The following PRKN variants were observed in gnomAD, a reference collection of about 807,000 sequenced individuals.
The protein encoded by PRKN is parkin RBR E3 ubiquitin protein ligase, also known as E3 ubiquitin-protein ligase parkin.
A neutral mutation model predicts 59.5 loss-of-function variants in PRKN; 56 were observed. The observed-to-expected ratio is 0.94, with a 90% CI of 0.76 to 1.18. The LOEUF (loss-of-function observed/expected upper bound fraction) is 1.18. Ranked by LOEUF, PRKN falls within the 50% of genes most tolerant of loss-of-function variation. PRKN has a pLI of 0.00. For synonymous variants in PRKN, 250 were observed against 222.1 expected (o/e 1.13, Z -1.12); for missense variants, 657 against 596.4 (o/e 1.10, Z -1.06).
chr6:161,849,151 T>A (rs1793320696), intron 6 of PRKN, among the ~76,000 whole-genome samples: 1 of 152,158 alleles, frequency 6.6e-6, no homozygotes. Context: ...CTCTACCTCC[T>A]CTTCCTTCTT....
intron 4 of PRKN, among the ~76,000 whole-genome samples, chr6:162,099,274 A>G (rs1175802137): frequency 1.3e-5 from 2 of 152,224 alleles, no homozygotes; most frequent in African/African-American, 4.8e-5. Context: ...AGGGCATTTC[A>G]GATTATTCTA....
At chr6:162,712,000 C>A (rs1469583032) in intron 1 of PRKN, among the ~76,000 whole-genome samples, 11 of 152,160 alleles carry the variant, frequency 7.2e-5, no homozygotes, top group African/African-American at 2.7e-4. Context: ...GTCAATACTG[C>A]AGGTTGGCTT....
intron 6 of PRKN, among the ~76,000 whole-genome samples, chr6:161,862,607 G>C (rs1793948260): frequency 6.6e-6 from 1 of 151,796 alleles, no homozygotes; most frequent in African/African-American, 2.4e-5. Context: ...GAGTAACGGG[G>C]TAAAAAAAAA....
intron 1 of PRKN, among the ~76,000 whole-genome samples, chr6:162,565,440 T>C (rs768835719): frequency 1.2e-4 from 19 of 152,078 alleles, no homozygotes; most frequent in Non-Finnish European, 2.1e-4. Flanking sequence ...TCCCGGCACT[T>C]TGGAAGGCTG....
intron 1 of PRKN, among the ~76,000 whole-genome samples, chr6:162,636,356 A>G (rs1240639552): frequency 6.6e-6 from 1 of 152,208 alleles, no homozygotes; most frequent in Non-Finnish European, 1.5e-5. Flanking sequence ...TTTTTGAGCC[A>G]TCTCCACCTC....
At chr6:161,865,827 C>A (rs1194267653) in intron 6 of PRKN, among the ~76,000 whole-genome samples, 1 of 152,186 alleles carries the variant, frequency 6.6e-6, no homozygotes, top group Non-Finnish European at 1.5e-5. Context: ...CACGTGTTCA[C>A]TGGAGTAGCA....
chr6:161,554,732 G>C lies in PRKN; in HGVS notation c.934-5729C>G, dbSNP rs34432409. Among the ~76,000 whole-genome samples, 1 of 120,304 alleles carries C rather than the reference G, an allele frequency of 8.3e-6. No individual in the cohort carries two copies. The highest frequency in any genetic ancestry group is 2.9e-4 in the East Asian group (1 of 3,394). The allele number at this position is 120,304 out of a possible 152,430, so 78.9% of individuals were successfully genotyped here. ...AGGGATTGTGTGTGTGTGTGTGTGT[G>C]TGTATATATATATATATATATACAT... On this transcript the variant is annotated intron_variant, in intron 8 of 11. Transcript: ENST00000366898. The surrounding 1 kb of genome is among the most constrained non-coding windows in gnomAD (Gnocchi z 4.5).
chr6:161,585,939 A>G (rs535175832), intron 7 of PRKN, among the ~76,000 whole-genome samples: 2 of 152,286 alleles, frequency 1.3e-5, no homozygotes, highest in African/African-American at 4.8e-5. Context: ...TCATGTTCTC[A>G]GTCTCCATAA....
At chr6:161,350,979 AT>A (rs1403943887) in intron 11 of PRKN, among the ~76,000 whole-genome samples, 3 of 43,032 alleles carry the variant, frequency 7.0e-5, no homozygotes, top group Non-Finnish European at 1.1e-4. Context: ...ATATAAATAT[AT>A]TTTATATATT....
At chr6:162,660,009 C>CT (rs1205247696) in intron 1 of PRKN, among the ~76,000 whole-genome samples, 1 of 152,162 alleles carries the variant, frequency 6.6e-6, no homozygotes, top group Non-Finnish European at 1.5e-5. Flanking sequence ...AAAATACACT[C>CT]TATTTTATGA....
rs1341702642 is a variant in PRKN at position 161,352,728 on chromosome 6, T to A, written c.1286-2517A>T. Among the ~76,000 whole-genome samples the A allele has an allele frequency of 8.2e-6, 1 of 122,358 alleles. No homozygotes were observed. Among genetic ancestry groups the A allele is most frequent in the African/African-American group, 3.4e-5 (1 of 29,680 alleles). 80.3% of individuals were successfully genotyped at this position (122,358 alleles called of 152,430 possible). A position where few individuals can be genotyped will look rare whatever the true frequency, so the allele number is the denominator to read the frequency against. The stretch of plus-strand genomic sequence containing the variant: ...TATAAACACAAATATGTATGAAGAG[T>A]GTGTGTGTGTGTGTGTGTGTGTGTG... On this transcript the variant is annotated intron_variant, in intron 11 of 11. Coordinates refer to ENST00000366898, the MANE Select transcript of PRKN (RefSeq NM_004562.3). The surrounding 1 kb of genome is among the most constrained non-coding windows in gnomAD (Gnocchi z 5.8).
At chr6:162,585,636 T>A (rs946362982) in intron 1 of PRKN, among the ~76,000 whole-genome samples, 2 of 152,194 alleles carry the variant, frequency 1.3e-5, no homozygotes, top group African/African-American at 4.8e-5. Flanking sequence ...TGTTGGTAAT[T>A]ATTTTTGATT....
At chr6:162,639,970 T>C (rs927521468) in intron 1 of PRKN, among the ~76,000 whole-genome samples, 1 of 152,162 alleles carries the variant, frequency 6.6e-6, no homozygotes, top group Non-Finnish European at 1.5e-5. Flanking sequence ...TATTTTTTTA[T>C]GCTGAGTGTA....
chr6:161,946,451 C>CTCTCT (rs1554253070), intron 6 of PRKN, among the ~76,000 whole-genome samples: 38 of 136,558 alleles, frequency 2.8e-4, no homozygotes, highest in African/African-American at 9.0e-4. Flanking sequence ...CTCTCTCTCT[C>CTCTCT]AATACAAAAG....
At chr6:162,428,306 G>A (rs1430940141) in intron 2 of PRKN, among the ~76,000 whole-genome samples, 1 of 152,114 alleles carries the variant, frequency 6.6e-6, no homozygotes, top group African/African-American at 2.4e-5. Flanking sequence ...GAGAATGTAT[G>A]TATAGATTCT....
chr6:162,150,813 C>A (rs1410323043), intron 4 of PRKN, among the ~76,000 whole-genome samples: 1 of 152,078 alleles, frequency 6.6e-6, no homozygotes, highest in African/African-American at 2.4e-5. Flanking sequence ...ATGTATTTAT[C>A]TATTTTAAGG....
intron 6 of PRKN, among the ~76,000 whole-genome samples, chr6:161,800,089 C>T (rs186810206): frequency 4.6e-5 from 7 of 152,166 alleles, no homozygotes; most frequent in Admixed American, 4.6e-4. Flanking sequence ...CAACATAATA[C>T]CATTTATGTT....
intron 6 of PRKN, among the ~76,000 whole-genome samples, chr6:161,799,469 C>T (rs919563118): frequency 1.3e-5 from 2 of 152,186 alleles, no homozygotes; most frequent in Non-Finnish European, 2.9e-5. Flanking sequence ...CAGAGTTAGG[C>T]TCATCCGTTC....
In PRKN at chr6:161,546,409, T is replaced by C. The variant is rs577453417; in HGVS notation, c.1083+2445A>G. ...CTTTAGCATTCAAGTTAGGTGAATA[T>C]CCTTCTGTGAAAGTTTGGGATTTGA... On this transcript the variant is annotated intron_variant, in intron 9 of 11. Coordinates refer to ENST00000366898, the MANE Select transcript of PRKN (RefSeq NM_004562.3). This position sits in a 1 kb window ranked among gnomAD's most constrained non-coding sequence, Gnocchi z 4.4. Among the ~76,000 whole-genome samples, 155 of 152,264 alleles carry C rather than the reference T, an allele frequency of 1.0e-3. No individual in the cohort carries two copies. The highest frequency in any genetic ancestry group is 2.0e-3 in the Non-Finnish European group (133 of 68,036).
Sources: allele counts gnomAD v4.1 joint callset (sites outside exome capture counted in the v4.1 genomes callset), GRCh38; gene constraint gnomAD v4.1.1; non-coding constraint Gnocchi (gnomAD v3.1); transcripts MANE v1.5; gene names NCBI Gene and HGNC (gene_info 2026-07-23, HGNC 2026-07-21).